GRID2: variants seen among roughly 807,000 people sequenced by gnomAD.
The protein encoded by GRID2 is glutamate receptor ionotropic, delta-2.
Under a neutral mutation model 114.8 loss-of-function variants are expected in GRID2, and 33 were observed. The observed-to-expected ratio is 0.29, with a 90% confidence interval of 0.22 to 0.38. The LOEUF (loss-of-function observed/expected upper bound fraction) is 0.38. GRID2 is among the 10% of genes least tolerant of loss of function. The probability of loss-of-function intolerance (pLI) is 1.00; values close to 1 mark genes in which losing one functional copy is unlikely to be tolerated. For missense variants in GRID2, 1,184 were observed against 1,257.7 expected (o/e 0.94, Z 0.89); for synonymous variants, 505 against 449.9 (o/e 1.12, Z -1.55).
chr4:93,571,730 AAGTAATGCAT>A (rs1463366194), intron 13 of GRID2, among the ~76,000 whole-genome samples: 2 of 152,148 alleles, frequency 1.3e-5, no homozygotes, highest in Non-Finnish European at 2.9e-5. Flanking sequence ...TTTATGGGAA[AAGTAATGCAT>A]AGTAATGCAT....
In GRID2 at chr4:92,982,186, A is replaced by G. The variant is rs548738070; in HGVS notation, c.245-102809A>G. Among the ~76,000 whole-genome samples, 211 of 152,126 alleles carry G rather than the reference A, an allele frequency of 1.4e-3. 1 individual carries two copies. Among genetic ancestry groups the G allele is most frequent in the African/African-American group, 4.9e-3 (203 of 41,548 alleles). ...GAAATGGTCAAAATGAGAGGAAGAA[A>G]AAAGGATGCGGCTAATTTCCAAACT... On this transcript the variant is annotated intron_variant, in intron 2 of 15. Coordinates refer to ENST00000282020, the MANE Select transcript of GRID2 (RefSeq NM_001510.4).
At chr4:93,614,069 G>T (rs553726920) in intron 13 of GRID2, among the ~76,000 whole-genome samples, 5 of 152,052 alleles carry the variant, frequency 3.3e-5, no homozygotes, top group Admixed American at 6.6e-5. Context: ...GGAGTGACCC[G>T]ATTTTCCAGG....
intron 4 of GRID2, among the ~76,000 whole-genome samples, chr4:93,159,275 G>A (rs1395429412): frequency 1.3e-5 from 2 of 151,778 alleles, no homozygotes; most frequent in East Asian, 3.9e-4. Flanking sequence ...GCTAATCTGA[G>A]CCCATAACTT....
chr4:92,816,318 C>CAAAAAAAAA (rs764487348), intron 2 of GRID2, among the ~76,000 whole-genome samples: 2 of 48,256 alleles, frequency 4.1e-5, no homozygotes, highest in Admixed American at 2.2e-4. Flanking sequence ...TCTGTCTCAC[C>CAAAAAAAAA]AAAAAAAAAA....
chr4:92,739,439 A>G (rs1191637393), intron 2 of GRID2, among the ~76,000 whole-genome samples: 1 of 151,022 alleles, frequency 6.6e-6, no homozygotes, highest in Non-Finnish European at 1.5e-5. Flanking sequence ...TTTTTTTTCT[A>G]GTTTGGGCAT....
At chr4:93,418,393 G>A (rs1297761370) in intron 9 of GRID2, among the ~76,000 whole-genome samples, 1 of 151,686 alleles carries the variant, frequency 6.6e-6, no homozygotes, top group Non-Finnish European at 1.5e-5. Context: ...GTTAACTTTG[G>A]TAATTGTCTT....
intron 2 of GRID2, among the ~76,000 whole-genome samples, chr4:92,610,260 G>A (rs971944452): frequency 4.0e-5 from 6 of 151,582 alleles, no homozygotes; most frequent in Admixed American, 1.3e-4. Flanking sequence ...AATGCATTAG[G>A]GGATGACTGA....
At chr4:92,809,621 C>T (rs1396937158) in intron 2 of GRID2, among the ~76,000 whole-genome samples, 1 of 151,928 alleles carries the variant, frequency 6.6e-6, no homozygotes, top group Non-Finnish European at 1.5e-5. Flanking sequence ...GACCATCCAG[C>T]CCCAGTTTGA....
intron 11 of GRID2, among the ~76,000 whole-genome samples, chr4:93,475,267 T>A (rs1419197858): frequency 1.3e-5 from 2 of 152,162 alleles, no homozygotes; most frequent in Non-Finnish European, 2.9e-5. Context: ...AATCAATTTT[T>A]CTCTTCAACT....
intron 1 of GRID2, among the ~76,000 whole-genome samples, chr4:92,375,490 A>G (rs1729311956): frequency 6.6e-6 from 1 of 152,188 alleles, no homozygotes; most frequent in Non-Finnish European, 1.5e-5. Flanking sequence ...TTTTGTTAAG[A>G]GAAAAAGAGA....
chr4:92,411,651 G>GCATATATATATATA (rs1731317757), intron 1 of GRID2, among the ~76,000 whole-genome samples: 3 of 96,360 alleles, frequency 3.1e-5, no homozygotes, highest in African/African-American at 1.6e-4. Flanking sequence ...GTGTGTGTGT[G>GCATATATATATATA]TGTGTATATA....
chr4:92,898,786 T>A, intron 2 of GRID2, among the ~76,000 whole-genome samples: 1 of 152,162 alleles, frequency 6.6e-6, no homozygotes, highest in East Asian at 1.9e-4. Context: ...TTTATACTCA[T>A]GTGTAACCTT....
intron 2 of GRID2, among the ~76,000 whole-genome samples, chr4:92,656,653 C>G (rs1732253927): frequency 6.6e-6 from 1 of 151,674 alleles, no homozygotes; most frequent in African/African-American, 2.4e-5. Flanking sequence ...TGACTCTAAA[C>G]CTACAATTGC....
chr4:92,675,665 T>G (rs190247106), intron 2 of GRID2, among the ~76,000 whole-genome samples: 44 of 151,426 alleles, frequency 2.9e-4, no homozygotes, highest in African/African-American at 1.1e-3. Context: ...ATTCTCCTGC[T>G]TCAGCCTCCC....
chr4:92,487,506 A>G (rs1210592399), intron 1 of GRID2, among the ~76,000 whole-genome samples: 1 of 152,030 alleles, frequency 6.6e-6, no homozygotes, highest in Non-Finnish European at 1.5e-5. Flanking sequence ...AGATATTTCC[A>G]CTAGATAATA....
intron 8 of GRID2, among the ~76,000 whole-genome samples, chr4:93,382,983 A>G (rs1419667008): frequency 1.3e-5 from 2 of 151,972 alleles, no homozygotes; most frequent in East Asian, 1.9e-4. Flanking sequence ...ACGTAAATTT[A>G]AGGTCTTCTC....
chr4:93,183,005 A>G lies in GRID2; in HGVS notation c.736-24399A>G, dbSNP rs542201574. ...TGCAGTATAAAGTTTGAGAAAGACT[A>G]TACTGGCCTTAGGATAATATCTGGC... On this transcript the variant is annotated intron_variant, in intron 4 of 15. Coordinates refer to ENST00000282020, the MANE Select transcript of GRID2 (RefSeq NM_001510.4). Among the ~76,000 whole-genome samples the G allele has an allele frequency of 4.6e-5, 7 of 152,340 alleles. No homozygotes were observed. The East Asian group carries it at 1.2e-3, about 25-fold the overall frequency.
chr4:92,306,625 G>A (rs973321299), intron 1 of GRID2, among the ~76,000 whole-genome samples: 4 of 152,152 alleles, frequency 2.6e-5, no homozygotes, highest in African/African-American at 9.7e-5. Context: ...TCTGTGGTCT[G>A]CATGATAAAT....
intron 5 of GRID2, among the ~76,000 whole-genome samples, chr4:93,211,114 CTTAA>C (rs1743417167): frequency 1.3e-5 from 2 of 152,040 alleles, no homozygotes; most frequent in South Asian, 4.1e-4. Context: ...GAAGGAACCC[CTTAA>C]TTAATTTTTT....
Sources: allele counts gnomAD v4.1 joint callset (sites outside exome capture counted in the v4.1 genomes callset), GRCh38; gene constraint gnomAD v4.1.1; transcripts MANE v1.5; gene names NCBI Gene and HGNC (gene_info 2026-07-23, HGNC 2026-07-21).